The following NCKAP5 variants were observed in gnomAD, a reference collection of about 807,000 sequenced individuals.
NCKAP5 encodes the protein NCK associated protein 5.
A neutral mutation model predicts 167.0 loss-of-function variants in NCKAP5; 92 were observed. The observed-to-expected ratio is 0.55, with a 90% CI of 0.47 to 0.66. The LOEUF (loss-of-function observed/expected upper bound fraction) is 0.66, where lower values mean the gene tolerates loss of function less well. NCKAP5 is among the 30% of genes least tolerant of loss of function. NCKAP5 has a pLI of 0.00. For missense variants in NCKAP5, 2,378 were observed against 2,315.0 expected (o/e 1.03, Z -0.56); for synonymous variants, 891 against 877.4 (o/e 1.02, Z -0.27).
At chr2:133,659,858 C>T in the NCKAP5 span, among the ~76,000 whole-genome samples, 1 of 152,046 alleles carries the variant, frequency 6.6e-6, no homozygotes, top group African/African-American at 2.4e-5. Context: ...ATATATGCAT[C>T]TAACCATTGC....
At chr2:133,441,830 C>T (rs1690881040) in intron 3 of NCKAP5, among the ~76,000 whole-genome samples, 1 of 152,170 alleles carries the variant, frequency 6.6e-6, no homozygotes, top group Admixed American at 6.5e-5. Context: ...AGCGAACTCT[C>T]AGGGAATTAA....
chr2:133,462,644 A>T (rs1692274224), intron 3 of NCKAP5, among the ~76,000 whole-genome samples: 1 of 152,184 alleles, frequency 6.6e-6, no homozygotes, highest in African/African-American at 2.4e-5. Flanking sequence ...CTTGTGTGTT[A>T]TATCATACAC....
At chr2:133,009,452 TTAG>T (rs2078078937) in intron 6 of NCKAP5, among the ~76,000 whole-genome samples, 1 of 152,074 alleles carries the variant, frequency 6.6e-6, no homozygotes, top group South Asian at 2.1e-4. Context: ...TTGAGGCGTA[TTAG>T]ATGCTGAAAA....
chr2:132,685,010 A>C (rs1685751008), intron 19 of NCKAP5, among the ~76,000 whole-genome samples: 2 of 152,212 alleles, frequency 1.3e-5, no homozygotes, highest in African/African-American at 4.8e-5. Flanking sequence ...GCAGAGCTAA[A>C]AATGTAATGT....
intron 3 of NCKAP5, among the ~76,000 whole-genome samples, chr2:133,380,331 T>C (rs1686430889): frequency 6.6e-6 from 1 of 152,204 alleles, no homozygotes; most frequent in Non-Finnish European, 1.5e-5. Flanking sequence ...AGCAATTTTT[T>C]TTAGTAAAAC....
chr2:133,150,866 GATACTCAAACACTGTA>G (rs763316650), intron 5 of NCKAP5, among the ~76,000 whole-genome samples: 10 of 152,108 alleles, frequency 6.6e-5, no homozygotes, highest in African/African-American at 9.7e-5. Flanking sequence ...TAAATTATGG[GATACTCAAACACTGTA>G]ATAGCATACA....
chr2:132,997,737 A>G (rs770955680), intron 6 of NCKAP5, among the ~76,000 whole-genome samples: 1 of 152,058 alleles, frequency 6.6e-6, no homozygotes, highest in Non-Finnish European at 1.5e-5. Flanking sequence ...ACTTTGGTGG[A>G]TGAACCCAAG....
chr2:132,869,029 C>T (rs1386671642), intron 9 of NCKAP5, 55 bp from the exon 10 acceptor site: 21 of 1,271,992 alleles, frequency 1.7e-5, no homozygotes, highest in South Asian at 8.6e-5. Flanking sequence ...TTATATGCAC[C>T]GACTCTAATT....
rs190232084 is a variant in NCKAP5 at position 132,876,888 on chromosome 2, A to G, written c.648+1960T>C. The stretch of plus-strand genomic sequence containing the variant: ...GGAAACACACAAAATACAGACTATG[A>G]GTTTCCATAAAGAAATGTGAGTGTT... On this transcript the variant is annotated intron_variant, in intron 9 of 19. Coordinates refer to ENST00000409261, the MANE Select transcript of NCKAP5 (RefSeq NM_207363.3). Among the ~76,000 whole-genome samples the G allele has an allele frequency of 3.9e-5, 6 of 152,340 alleles. No homozygotes were observed. In the East Asian group the frequency reaches 5.8e-4, roughly 15 times the overall value.
the NCKAP5 span, among the ~76,000 whole-genome samples, chr2:133,669,465 A>T: frequency 6.6e-6 from 1 of 152,104 alleles, no homozygotes; most frequent in Non-Finnish European, 1.5e-5. Flanking sequence ...TTTATCATGT[A>T]TATTGTTGTC....
At chr2:133,628,007 C>G in the NCKAP5 span, among the ~76,000 whole-genome samples, 3 of 152,246 alleles carry the variant, frequency 2.0e-5, no homozygotes, top group African/African-American at 7.2e-5. Context: ...AAGAATAGAG[C>G]CATTTATGAC....
At chr2:132,988,546 T>C (rs2077363044) in intron 7 of NCKAP5, among the ~76,000 whole-genome samples, 1 of 151,594 alleles carries the variant, frequency 6.6e-6, no homozygotes, top group South Asian at 2.1e-4. Context: ...TTGAAACATG[T>C]GGCGATCTTT....
intron 6 of NCKAP5, among the ~76,000 whole-genome samples, chr2:133,016,810 T>C (rs2078354106): frequency 6.6e-6 from 1 of 152,206 alleles, no homozygotes; most frequent in African/African-American, 2.4e-5. Context: ...GATGTCAGCT[T>C]TCCTCACTAA....
At chr2:132,877,972 C>A (rs17326398) in intron 9 of NCKAP5, among the ~76,000 whole-genome samples, 91,241 of 152,046 alleles carry the variant, frequency 0.6, 29,455 homozygotes, top group East Asian at 0.91. Context: ...ATTACTCAGA[C>A]CACAATAAAG....
chr2:133,380,223 T>C (rs1686423713), intron 3 of NCKAP5, among the ~76,000 whole-genome samples: 1 of 152,214 alleles, frequency 6.6e-6, no homozygotes. Context: ...AAACTGTTTA[T>C]AACAGTGCTA....
At chr2:133,597,605 G>A in the NCKAP5 span, among the ~76,000 whole-genome samples, 1 of 146,308 alleles carries the variant, frequency 6.8e-6, no homozygotes, top group Non-Finnish European at 1.5e-5. Flanking sequence ...GGAGGTGGAG[G>A]TTGCAGTGAG....
At chr2:133,007,446 G>C (rs917173602) in intron 6 of NCKAP5, among the ~76,000 whole-genome samples, 1 of 152,088 alleles carries the variant, frequency 6.6e-6, no homozygotes, top group African/African-American at 2.4e-5. Flanking sequence ...GAAAGTTCAA[G>C]GGGTAAAGCA....
At chr2:133,486,393 C>T (rs144148899) in intron 3 of NCKAP5, among the ~76,000 whole-genome samples, 282 of 152,314 alleles carry the variant, frequency 1.9e-3, no homozygotes, top group Non-Finnish European at 3.2e-3. Flanking sequence ...GTGGCTGCAT[C>T]GTCATTTTCA....
chr2:133,528,728 C>T (rs896240875), intron 2 of NCKAP5, among the ~76,000 whole-genome samples: 8 of 152,298 alleles, frequency 5.3e-5, no homozygotes, highest in Admixed American at 2.0e-4. Context: ...TCTCGTGTTA[C>T]CCTTCACTCA....
Sources: gnomAD v4.1 joint callset for allele counts (sites outside exome capture counted in the v4.1 genomes callset) on GRCh38, gnomAD v4.1.1 for gene constraint, MANE v1.5 for transcripts, NCBI Gene and HGNC (gene_info 2026-07-23, HGNC 2026-07-21) for gene names.